CRTAC1: variants seen among roughly 807,000 people sequenced by gnomAD.
CRTAC1 encodes cartilage acidic protein 1, also known as acidic secreted protein in cartilage.
In CRTAC1, 37 loss-of-function variants were observed where a neutral mutation model predicts 67.8. The ratio of observed to expected loss-of-function variants is 0.55; its 90% CI spans 0.42 to 0.72. The LOEUF is 0.72. Among genes scored for constraint, CRTAC1 ranks in the 30% least tolerant of loss-of-function variants. The pLI, the probability that CRTAC1 is intolerant of heterozygous loss-of-function variation, is 0.00. For synonymous variants in CRTAC1, 348 were observed against 371.0 expected (o/e 0.94, Z 0.71); for missense variants, 780 against 931.6 (o/e 0.84, Z 2.12).
intron 2 of CRTAC1, among the ~76,000 whole-genome samples, chr10:97,993,912 A>C (rs1010953068): frequency 6.6e-6 from 1 of 152,072 alleles, no homozygotes. Context: ...CCTGGAGTGC[A>C]ATGGTGTCAT....
chr10:97,959,590 A>T (rs1050907574), intron 2 of CRTAC1, among the ~76,000 whole-genome samples: 10 of 152,180 alleles, frequency 6.6e-5, no homozygotes, highest in Non-Finnish European at 1.5e-4. Flanking sequence ...TAAAAATGCT[A>T]TATAAACTGC....
intron 14 of CRTAC1, 65 bp downstream of exon 14, chr10:97,880,184 C>T (rs1456873505): frequency 2.5e-6 from 4 of 1,575,808 alleles, no homozygotes; most frequent in Non-Finnish European, 3.5e-6. Flanking sequence ...CTGGGGCCTA[C>T]CCAGAGCTCC....
At position 97,928,588 on chromosome 10, in the gene CRTAC1, C is replaced by T. The variant is rs116074729; in HGVS notation, c.422-5188G>A. ...AGAAAGAAGGGGACTTGCCTAAGAT[C>T]CCACAACTGGCAGAGCCCAGCAGGG... On this transcript the variant is annotated intron_variant, in intron 3 of 14. Coordinates refer to ENST00000370597, the MANE Select transcript of CRTAC1 (RefSeq NM_018058.7). 2.2e-3 allele frequency among the ~76,000 whole-genome samples: 341 copies of T among 152,262 alleles called. 1 individual carries two copies. The highest frequency in any genetic ancestry group is 8.0e-3 in the African/African-American group (334 of 41,540).
At chr10:97,871,053 T>C (rs2050087936) in intron 14 of CRTAC1, 1 of 152,212 alleles carries the variant, frequency 6.6e-6, no homozygotes, top group African/African-American at 2.4e-5. Context: ...TCGGTTTCTT[T>C]CCTTCCTTTC....
At chr10:98,015,164 A>G (rs1287654414) in intron 1 of CRTAC1, among the ~76,000 whole-genome samples, 1 of 152,250 alleles carries the variant, frequency 6.6e-6, no homozygotes, top group East Asian at 1.9e-4. Context: ...AAAATAAAAA[A>G]TAAATAAAAG....
intron 2 of CRTAC1, among the ~76,000 whole-genome samples, chr10:97,988,112 G>T (rs539463286): frequency 6.6e-6 from 1 of 152,106 alleles, no homozygotes; most frequent in African/African-American, 2.4e-5. Flanking sequence ...CACAGAGAGC[G>T]ATCCTGGCCA....
intron 2 of CRTAC1, among the ~76,000 whole-genome samples, chr10:98,008,108 A>G (rs1276227233): frequency 6.6e-6 from 1 of 152,134 alleles, no homozygotes; most frequent in Non-Finnish European, 1.5e-5. Flanking sequence ...GGGAAACTGA[A>G]AATTCTGCTA....
intron 2 of CRTAC1, among the ~76,000 whole-genome samples, chr10:98,007,837 C>T (rs1479757619): frequency 6.6e-6 from 1 of 152,148 alleles, no homozygotes; most frequent in Admixed American, 6.5e-5. Context: ...GCTTCACTAG[C>T]ACAGAGGACA....
chr10:97,935,907 C>T (rs1011402695), intron 3 of CRTAC1, among the ~76,000 whole-genome samples: 2 of 152,100 alleles, frequency 1.3e-5, no homozygotes, highest in African/African-American at 4.8e-5. Flanking sequence ...GGTGGGGACA[C>T]ACAGTCTGAG....
At chr10:97,923,178 A>G in intron 4 of CRTAC1, 86 bp downstream of exon 4, 1 of 1,527,484 alleles carries the variant, frequency 6.5e-7, no homozygotes, top group East Asian at 2.3e-5. Flanking sequence ...GGGAGACGCC[A>G]CTCTGTCAGG....
intron 12 of CRTAC1, 146 bp from the exon 13 acceptor site, chr10:97,882,974 C>T (rs588061): frequency 0.42 from 315,458 of 743,058 alleles, 69,972 homozygotes; most frequent in East Asian, 0.6. Context: ...AGCCCCCTCC[C>T]TTGTAAGACC....
chr10:98,003,252 T>C (rs1249139559), intron 2 of CRTAC1, among the ~76,000 whole-genome samples: 1 of 152,222 alleles, frequency 6.6e-6, no homozygotes, highest in East Asian at 1.9e-4. Context: ...CAACATTTTA[T>C]CTCGTGTTTT....
At chr10:97,978,727 C>T (rs1207479645) in intron 2 of CRTAC1, among the ~76,000 whole-genome samples, 2 of 152,192 alleles carry the variant, frequency 1.3e-5, no homozygotes, top group African/African-American at 4.8e-5. Context: ...AAGGGCCTTT[C>T]TGCTCCTCCC....
At position 97,956,959 on chromosome 10, in the gene CRTAC1, A is replaced by G. The variant is rs114682243; in HGVS notation, c.225-20593T>C. 8.5e-3 allele frequency among the ~76,000 whole-genome samples: 1,281 copies of G among 150,876 alleles called. 23 individuals carry two copies. The highest frequency in any genetic ancestry group is 0.03 in the African/African-American group (1,224 of 41,072). On this transcript the variant is annotated intron_variant, in intron 2 of 14. Transcript: ENST00000370597. ...GTGTTTGGGACTTCAGTCACATGCC[A>G]CCACACCTGGCTAATACTTGTATTT...
chr10:98,017,967 C>T (rs1384204876), intron 1 of CRTAC1, among the ~76,000 whole-genome samples: 2 of 151,716 alleles, frequency 1.3e-5, no homozygotes, highest in Non-Finnish European at 2.9e-5. Flanking sequence ...GAGGCCGAGG[C>T]AGGCGGATTG....
At chr10:97,908,477 C>G (rs1326314721) in intron 5 of CRTAC1, among the ~76,000 whole-genome samples, 1 of 152,160 alleles carries the variant, frequency 6.6e-6, no homozygotes, top group African/African-American at 2.4e-5. Context: ...ATCCTAAACC[C>G]AACTCTAAGC....
chr10:98,005,690 T>C (rs1482325251), intron 2 of CRTAC1, among the ~76,000 whole-genome samples: 1 of 151,400 alleles, frequency 6.6e-6, no homozygotes, highest in East Asian at 1.9e-4. Flanking sequence ...ATATACTACA[T>C]GTATCTATAT....
chr10:98,028,066 T>G (rs528218967), intron 1 of CRTAC1, among the ~76,000 whole-genome samples: 6 of 152,228 alleles, frequency 3.9e-5, no homozygotes, highest in African/African-American at 1.4e-4. Flanking sequence ...TGGAACTCCA[T>G]GAACCCTTAA....
intron 2 of CRTAC1, among the ~76,000 whole-genome samples, chr10:97,978,937 T>G (rs551957916): frequency 3.9e-5 from 6 of 152,320 alleles, no homozygotes; most frequent in African/African-American, 1.4e-4. Flanking sequence ...AGGCATCATA[T>G]GCATCTTGCC....
Sources: gnomAD v4.1 joint callset for allele counts (sites outside exome capture counted in the v4.1 genomes callset) on GRCh38, gnomAD v4.1.1 for gene constraint, MANE v1.5 for transcripts, NCBI Gene and HGNC (gene_info 2026-07-23, HGNC 2026-07-21) for gene names.